LTN1: variants seen among roughly 807,000 people sequenced by gnomAD.
The protein encoded by LTN1 is E3 ubiquitin-protein ligase listerin.
Under a neutral mutation model 201.2 loss-of-function variants are expected in LTN1, and 88 were observed. That is an observed-to-expected ratio of 0.44 (90% CI 0.37 to 0.52). The LOEUF (loss-of-function observed/expected upper bound fraction) is 0.52. Ranked by LOEUF, LTN1 falls within the 20% of genes least tolerant of loss-of-function variation. LTN1 has a pLI of 0.00. For missense variants in LTN1, 1,752 were observed against 2,038.7 expected (o/e 0.86, Z 2.71); for synonymous variants, 645 against 713.5 (o/e 0.90, Z 1.53).
Position 28,931,184 on chromosome 21 carries a change from A to T in LTN1, c.5209T>A (p.Cys1737Ser). The part of the protein sequence containing the change: ...YSLPKKACRT[C>S]KKKFHSACLY... ...CAGGCTGAATGGAATTTTTTCTTGCATGTTCTACAGGCTTTTTTGGGAAGG... is the reference window on the plus strand; with the variant it reads ...CAGGCTGAATGGAATTTTTTCTTGCTTGTTCTACAGGCTTTTTTGGGAAGG... Residue 1737 changes from cysteine to serine, a missense_variant, in exon 29 of 30, where the codon TGC becomes AGC. Around this residue, in one of 3 missense-constraint regions of LTN1, gnomAD observed 261 missense variants for 350.1 expected, o/e 0.75. Transcript: ENST00000361371. The T allele has an allele frequency of 6.2e-7, 1 of 1,611,716 alleles. No homozygotes were observed. Among genetic ancestry groups the T allele is most frequent in the Non-Finnish European group, 8.5e-7 (1 of 1,179,386 alleles).
At chr21:28,975,701 C>T (rs979542553) in intron 6 of LTN1, among the ~76,000 whole-genome samples, 2 of 152,096 alleles carry the variant, frequency 1.3e-5, no homozygotes, top group Non-Finnish European at 2.9e-5. Context: ...AGGAGAATGA[C>T]CTAAATTAAA....
At chr21:28,931,050 A>G (rs2084206185) in intron 29 of LTN1, 105 bp downstream of exon 29, 2 of 676,546 alleles carry the variant, frequency 3.0e-6, no homozygotes, top group Non-Finnish European at 4.7e-6. Flanking sequence ...TCTCTTCCGA[A>G]GTTAGACATT....
At chr21:28,953,539 A>C (rs1421263935) in intron 16 of LTN1, among the ~76,000 whole-genome samples, 163 bp from the exon 17 acceptor site, 1 of 152,222 alleles carries the variant, frequency 6.6e-6, no homozygotes, top group East Asian at 1.9e-4. Context: ...AAGGACAATG[A>C]AAACTGAGAA....
chr21:28,934,561 G>A (rs542458603), intron 27 of LTN1, among the ~76,000 whole-genome samples: 34 of 152,156 alleles, frequency 2.2e-4, no homozygotes, highest in African/African-American at 7.0e-4. Context: ...TTTGCCTTCC[G>A]CCATGATTGT....
intron 4 of LTN1, among the ~76,000 whole-genome samples, chr21:28,983,574 G>A (rs1165935243): frequency 6.6e-6 from 1 of 152,200 alleles, no homozygotes; most frequent in African/African-American, 2.4e-5. Context: ...AGTGCTGGGT[G>A]AAGAGATTAG....
rs945435701 is a variant in LTN1 at position 28,928,287 on chromosome 21, A to C, written c.*2161T>G. On this transcript the variant is annotated 3_prime_UTR_variant, in exon 30 of 30. Coordinates refer to ENST00000361371, the MANE Select transcript of LTN1 (RefSeq NM_015565.3). ...TTAATTAAAAAGAATTTTAATGGGC[A>C]CATATGGTATAACAATCAAATAATA... The C allele has an allele frequency of 6.6e-6, 1 of 152,636 alleles. No homozygotes were observed. The highest frequency in any genetic ancestry group is 2.4e-5 in the African/African-American group (1 of 41,458). 9.5% of individuals were successfully genotyped at this position (152,636 alleles called of 1,614,324 possible).
chr21:28,987,483 C>T (rs552624549), intron 1 of LTN1, among the ~76,000 whole-genome samples: 66 of 152,152 alleles, frequency 4.3e-4, no homozygotes, highest in Non-Finnish European at 8.7e-4. Context: ...CTGAGAGTTC[C>T]TTGAGAGTGG....
Position 28,971,256 on chromosome 21 carries a change from G to C in LTN1, c.984+15C>G, listed in dbSNP as rs764829776. 5.0e-6 allele frequency: 8 copies of C among 1,590,624 alleles called. No individual in the cohort carries two copies. In the East Asian group the frequency reaches 1.6e-4, roughly 32 times the overall value. ...GTTCATTCCTCAGTGTACTAAATGT[G>C]CCTCTCTTACATACCTCAATAGTTG... On this transcript the variant is annotated intron_variant, in intron 7 of 29. Coordinates refer to ENST00000361371, the MANE Select transcript of LTN1 (RefSeq NM_015565.3).
chr21:28,991,731 A>G (rs2084748080), intron 1 of LTN1, among the ~76,000 whole-genome samples: 1 of 152,250 alleles, frequency 6.6e-6, no homozygotes, highest in Non-Finnish European at 1.5e-5. Context: ...ACAGGTTGCT[A>G]TAATTGTTAA....
chr21:28,938,367 A>G (rs1568833331), intron 25 of LTN1, among the ~76,000 whole-genome samples: 1 of 152,234 alleles, frequency 6.6e-6, no homozygotes, highest in Non-Finnish European at 1.5e-5. Context: ...AAATACAGAG[A>G]AAGTATGTGC....
At chr21:28,976,086 G>A (rs2084612945) in intron 6 of LTN1, among the ~76,000 whole-genome samples, 1 of 151,464 alleles carries the variant, frequency 6.6e-6, no homozygotes, top group Non-Finnish European at 1.5e-5. Context: ...GGCAGAGGAT[G>A]ACTTGGAAGG....
rs545374021 is a variant in LTN1, at chr21:28,985,795, G to A, written c.345+344C>T. Among the ~76,000 whole-genome samples, 48 of 151,950 alleles carry A rather than the reference G, an allele frequency of 3.2e-4. 1 individual carries two copies. Among genetic ancestry groups the A allele is most frequent in the African/African-American group, 1.1e-3 (46 of 41,450 alleles). Reference sequence around the variant, plus strand: ...CCTGCCTCAGCCTCCCAAGTAGCTGGGATTACAGGCATCCATCACCACACC... The same window carrying A: ...CCTGCCTCAGCCTCCCAAGTAGCTGAGATTACAGGCATCCATCACCACACC... On this transcript the variant is annotated intron_variant, in intron 3 of 29. Transcript: ENST00000361371.
At chr21:28,958,607 G>C (rs2776243) in intron 13 of LTN1, 68 bp from the exon 14 acceptor site, 2 of 1,155,388 alleles carry the variant, frequency 1.7e-6, no homozygotes, top group Non-Finnish European at 2.4e-6. Flanking sequence ...CAAAATGTTT[G>C]AAACAACTCT....
rs769465170 is a variant in LTN1 at position 28,986,968 on chromosome 21, T to A, written c.43-34A>T. 6.8e-7 allele frequency: 1 copy of A among 1,460,730 alleles called. No individual in the cohort carries two copies. The highest frequency in any genetic ancestry group is 1.1e-5 in the South Asian group (1 of 87,944). The allele number at this position is 1,460,730 out of a possible 1,614,324, so 90.5% of individuals were successfully genotyped here. On this transcript the variant is annotated intron_variant, in intron 1 of 29. Coordinates refer to ENST00000361371, the MANE Select transcript of LTN1 (RefSeq NM_015565.3). This position sits in a 1 kb window ranked among gnomAD's most constrained non-coding sequence, Gnocchi z 4.1. The stretch of plus-strand genomic sequence containing the variant: ...AAAATTACGGAGAAAAAAGTCAGAG[T>A]CCAGGAAGGGTTCAAAACTTAACTT...
intron 6 of LTN1, among the ~76,000 whole-genome samples, chr21:28,978,025 T>A (rs1465106722): frequency 6.6e-6 from 1 of 151,828 alleles, no homozygotes; most frequent in Non-Finnish European, 1.5e-5. Context: ...TAGGGCAAAT[T>A]TCTGAATGTA....
At chr21:28,939,531 CG>C (rs925273177) in intron 25 of LTN1, among the ~76,000 whole-genome samples, 2 of 151,958 alleles carry the variant, frequency 1.3e-5, no homozygotes, top group African/African-American at 4.8e-5. Context: ...TAAAGTTTTC[CG>C]AAGAAAAATT....
chr21:28,992,153 G>C (rs1371272526), intron 1 of LTN1, among the ~76,000 whole-genome samples: 1 of 152,178 alleles, frequency 6.6e-6, no homozygotes, highest in African/African-American at 2.4e-5. Context: ...CTGAGGTGTC[G>C]AGAGCAAAGT....
chr21:28,933,682 T>C (rs1487743896), intron 27 of LTN1, among the ~76,000 whole-genome samples: 1 of 151,560 alleles, frequency 6.6e-6, no homozygotes, highest in Non-Finnish European at 1.5e-5. Flanking sequence ...TCTCTCTTTT[T>C]TTTTTTTTTT....
Position 28,966,850 on chromosome 21 carries a change from T to A in LTN1, c.1641A>T (p.Glu547Asp). ...GKVRFADEIL[E>D]SNKENEKCVS... ...CACATTTTTCATTCTCTTTATTGCT[T>A]TCAAGTATCTCATCAGCAAATCTAA... is the stretch of plus-strand genomic sequence containing the variant. The change falls in exon 10 of 30, where the codon GAA (glutamate) becomes GAT (aspartate). Residue 547 changes from glutamate (E) to aspartate (D), a missense_variant. Physicochemically the swap from Glu to Asp is conservative, Grantham distance 45 (BLOSUM62 2). Coordinates refer to ENST00000361371, the MANE Select transcript of LTN1 (RefSeq NM_015565.3). The A allele has an allele frequency of 1.9e-6, 3 of 1,611,604 alleles. No homozygotes were observed. Among genetic ancestry groups the A allele is most frequent in the Non-Finnish European group, 2.5e-6 (3 of 1,179,300 alleles).
Sources: allele counts gnomAD v4.1 joint callset (sites outside exome capture counted in the v4.1 genomes callset), GRCh38; gene constraint gnomAD v4.1.1; regional missense constraint gnomAD v4.1.1; non-coding constraint Gnocchi (gnomAD v3.1); transcripts MANE v1.5; gene names NCBI Gene and HGNC (gene_info 2026-07-23, HGNC 2026-07-21).